The following MCHR2 variants were observed in gnomAD, a reference collection of about 807,000 sequenced individuals.
MCHR2 encodes the protein melanin-concentrating hormone receptor 2.
Under a neutral mutation model 24.8 loss-of-function variants are expected in MCHR2, and 15 were observed. The ratio of observed to expected loss-of-function variants is 0.60; its 90% CI spans 0.40 to 0.93. The LOEUF (loss-of-function observed/expected upper bound fraction) is 0.93, where lower values mean the gene tolerates loss of function less well. MCHR2 is among the 40% of genes least tolerant of loss of function. MCHR2 has a pLI of 0.00. For missense variants in MCHR2, 386 were observed against 408.7 expected, an observed-to-expected ratio of 0.94 and a Z score of 0.48; for synonymous variants, 151 against 147.6, an observed-to-expected ratio of 1.02 and a Z score of -0.17.
chr6:99,989,844 T>G (rs1415336835), intron 1 of MCHR2, among the ~76,000 whole-genome samples: 1 of 152,176 alleles, frequency 6.6e-6, no homozygotes, highest in Non-Finnish European at 1.5e-5. Flanking sequence ...AGTACACAAT[T>G]TTATAACATT....
intron 1 of MCHR2, among the ~76,000 whole-genome samples, chr6:99,974,078 C>G (rs1775496298): frequency 6.6e-6 from 1 of 152,146 alleles, no homozygotes; most frequent in South Asian, 2.1e-4. Flanking sequence ...GTGACGTTCT[C>G]TGTATTTCCT....
chr6:99,975,243 C>T (rs1775524294), intron 1 of MCHR2, among the ~76,000 whole-genome samples: 1 of 152,166 alleles, frequency 6.6e-6, no homozygotes, highest in Non-Finnish European at 1.5e-5. Context: ...TTCCAGGCTG[C>T]TTTGTTTACC....
chr6:99,928,288 C>T (rs1480822585), intron 5 of MCHR2, among the ~76,000 whole-genome samples: 2 of 152,152 alleles, frequency 1.3e-5, no homozygotes, highest in African/African-American at 4.8e-5. Flanking sequence ...GGATATTGGT[C>T]TACAATTCTC....
chr6:99,927,294 G>T (rs763400659), intron 5 of MCHR2, among the ~76,000 whole-genome samples: 77 of 152,228 alleles, frequency 5.1e-4, no homozygotes, highest in Admixed American at 1.4e-3. Flanking sequence ...TGTTCTTTTG[G>T]CTTAGGATTC....
At position 99,947,925 on chromosome 6, in the gene MCHR2, C is replaced by T. The variant is rs1774901738; in HGVS notation, c.229G>A (p.Val77Met). ...VPDIYICNLAVADLVHIVGMP... is the reference protein window; with the variant it reads ...VPDIYICNLAMADLVHIVGMP... Reference sequence around the variant, plus strand: ...CCAACTATGTGGACCAAATCAGCCACAGCCAGGTTGCAGATATAGATGTCA... The same window carrying T: ...CCAACTATGTGGACCAAATCAGCCATAGCCAGGTTGCAGATATAGATGTCA... Residue 77 changes from valine (V) to methionine (M), a missense_variant, in exon 3 of 6, where the codon GTG becomes ATG. Coordinates refer to ENST00000281806, the MANE Select transcript of MCHR2 (RefSeq NM_001040179.2). The T allele has an allele frequency of 1.2e-6, 2 of 1,613,596 alleles. No homozygotes were observed. Among genetic ancestry groups the T allele is most frequent in the African/African-American group, 1.3e-5 (1 of 74,884 alleles).
chr6:99,931,572 G>A (rs561285690), intron 5 of MCHR2, among the ~76,000 whole-genome samples: 113 of 152,216 alleles, frequency 7.4e-4, no homozygotes, highest in South Asian at 6.8e-3. Context: ...CCTCGCTGCC[G>A]CCTTGCAGTT....
intron 4 of MCHR2, among the ~76,000 whole-genome samples, chr6:99,935,118 G>A (rs1774630290): frequency 6.6e-6 from 1 of 152,010 alleles, no homozygotes; most frequent in South Asian, 2.1e-4. Flanking sequence ...CAGAGTATAT[G>A]TGATAGTTTA....
intron 1 of MCHR2, among the ~76,000 whole-genome samples, chr6:99,965,169 T>TA (rs1334583731): frequency 6.6e-6 from 1 of 152,098 alleles, no homozygotes; most frequent in African/African-American, 2.4e-5. Flanking sequence ...AAAGTATTGT[T>TA]AAAAAACCAG....
chr6:99,933,349 C>T (rs1223281661), intron 5 of MCHR2, among the ~76,000 whole-genome samples: 1 of 152,114 alleles, frequency 6.6e-6, no homozygotes, highest in African/African-American at 2.4e-5. Flanking sequence ...AAAAAAGGCT[C>T]AAGCATTCTC....
chr6:99,939,943 G>T (rs56849029), intron 4 of MCHR2, among the ~76,000 whole-genome samples: 2 of 143,438 alleles, frequency 1.4e-5, no homozygotes, highest in African/African-American at 5.1e-5. Flanking sequence ...TTTCTAGTAA[G>T]AAGTCCATTT....
chr6:99,968,710 T>C (rs1342492056), intron 1 of MCHR2, among the ~76,000 whole-genome samples: 4 of 152,058 alleles, frequency 2.6e-5, no homozygotes, highest in Non-Finnish European at 4.4e-5. Context: ...CTGGAACAAA[T>C]GTCAAGATAG....
chr6:99,927,144 G>T (rs1349224246), intron 5 of MCHR2, among the ~76,000 whole-genome samples: 1 of 152,040 alleles, frequency 6.6e-6, no homozygotes, highest in African/African-American at 2.4e-5. Flanking sequence ...TCAGATAGTT[G>T]TAGATATGCA....
chr6:99,927,915 AG>A (rs1424710871), intron 5 of MCHR2, among the ~76,000 whole-genome samples: 23 of 152,228 alleles, frequency 1.5e-4, no homozygotes, highest in South Asian at 4.1e-4. Flanking sequence ...GTCTTGTGCC[AG>A]TTTTCAAAGG....
chr6:99,928,897 T>C (rs1774435580), intron 5 of MCHR2, among the ~76,000 whole-genome samples: 1 of 152,226 alleles, frequency 6.6e-6, no homozygotes, highest in South Asian at 2.1e-4. Flanking sequence ...ATGTGTTTGC[T>C]CTTGGTTTTC....
At chr6:99,974,182 C>A (rs1049478606) in intron 1 of MCHR2, among the ~76,000 whole-genome samples, 11 of 152,238 alleles carry the variant, frequency 7.2e-5, no homozygotes, top group Admixed American at 4.6e-4. Context: ...TTCTCCCCAT[C>A]ACTTTCAGGT....
intron 1 of MCHR2, among the ~76,000 whole-genome samples, chr6:99,973,985 C>T (rs1373460329): frequency 6.6e-6 from 1 of 152,146 alleles, no homozygotes; most frequent in African/African-American, 2.4e-5. Flanking sequence ...TTCTGGCTGC[C>T]CTTAACATTT....
At chr6:99,984,042 ACT>A (rs908949922) in intron 1 of MCHR2, among the ~76,000 whole-genome samples, 6 of 151,922 alleles carry the variant, frequency 3.9e-5, no homozygotes, top group Non-Finnish European at 7.4e-5. Context: ...GTTTCAAAAA[ACT>A]CTATACAAAT....
chr6:99,969,032 A>C (rs1264233238), intron 1 of MCHR2, among the ~76,000 whole-genome samples: 1 of 152,220 alleles, frequency 6.6e-6, no homozygotes, highest in Non-Finnish European at 1.5e-5. Flanking sequence ...TAAATGATGA[A>C]AAGTCTCAAA....
chr6:99,956,584 A>G (rs1775066087), intron 1 of MCHR2, among the ~76,000 whole-genome samples: 3 of 152,126 alleles, frequency 2.0e-5, no homozygotes, highest in African/African-American at 7.2e-5. Flanking sequence ...TGTCTGCTAT[A>G]AAATGCATGG....
Sources: gnomAD v4.1 joint callset for allele counts (sites outside exome capture counted in the v4.1 genomes callset) on GRCh38, gnomAD v4.1.1 for gene constraint, MANE v1.5 for transcripts, NCBI Gene and HGNC (gene_info 2026-07-23, HGNC 2026-07-21) for gene names.